AADACL2: variants seen among roughly 807,000 people sequenced by gnomAD.
The protein encoded by AADACL2 is arylacetamide deacetylase-like 2.
In AADACL2, 23 loss-of-function variants were observed where a neutral mutation model predicts 22.3. The observed-to-expected ratio is 1.03, with a 90% CI of 0.74 to 1.46. AADACL2 has a LOEUF of 1.46. Among genes scored for constraint, AADACL2 ranks in the 40% most tolerant of loss-of-function variants. AADACL2 has a pLI of 0.00. For synonymous variants in AADACL2, 177 were observed against 166.2 expected (o/e 1.07, Z -0.50); for missense variants, 472 against 482.9 (o/e 0.98, Z 0.21).
At chr3:151,742,314 C>G (rs9756997) in intron 2 of AADACL2, among the ~76,000 whole-genome samples, 1 of 151,638 alleles carries the variant, frequency 6.6e-6, no homozygotes, top group South Asian at 2.1e-4. Flanking sequence ...TGTTTCTATA[C>G]GCATTCTACA....
At chr3:151,743,332 T>C (rs1449374069) in intron 2 of AADACL2, among the ~76,000 whole-genome samples, 1 of 152,134 alleles carries the variant, frequency 6.6e-6, no homozygotes, top group Admixed American at 6.6e-5. Context: ...TAGGATCTTG[T>C]GGTAAATAAA....
At chr3:151,753,725 T>G (rs543267000) in intron 4 of AADACL2, among the ~76,000 whole-genome samples, 1 of 152,222 alleles carries the variant, frequency 6.6e-6, no homozygotes, top group South Asian at 2.1e-4. Context: ...AGTTAATATT[T>G]TGTCTACATC....
At chr3:151,737,669 GGATA>G (rs1713138069) in intron 1 of AADACL2, among the ~76,000 whole-genome samples, 1 of 152,098 alleles carries the variant, frequency 6.6e-6, no homozygotes, top group African/African-American at 2.4e-5. Flanking sequence ...TATATATTTA[GGATA>G]GTTAGCTCTT....
chr3:151,745,560 T>C lies in AADACL2; in HGVS notation c.483T>C (p.Leu161=), dbSNP rs776818363. 1.2e-6 allele frequency: 2 copies of C among 1,613,960 alleles called. No homozygotes were observed. Among genetic ancestry groups the C allele is most frequent in the Non-Finnish European group, 1.7e-6 (2 of 1,179,892 alleles). ...HHFPAQFEDG[L]AAVKFFLLEK... ...TTCCTGCTCAGTTTGAAGATGGCCT[T>C]GCTGCAGTCAAATTTTTTCTTTTGG... is the stretch of plus-strand genomic sequence containing the variant. The change falls in exon 4 of 5, where the codon CTT becomes CTC. Residue 161 remains leucine (L), a synonymous_variant. Transcript: ENST00000356517.
chr3:151,743,160 C>T (rs1338590060), intron 2 of AADACL2, among the ~76,000 whole-genome samples: 8 of 151,954 alleles, frequency 5.3e-5, no homozygotes, highest in African/African-American at 1.9e-4. Flanking sequence ...TTTAATAAAA[C>T]ATTATTTTTT....
Position 151,742,596 on chromosome 3 carries a change from TAAAG to T in AADACL2, c.362-1493_362-1490del, listed in dbSNP as rs147369667. The stretch of plus-strand genomic sequence containing the variant: ...GATGAAACGGATTTCTTGTGGCTGA[TAAAG>T]AAACCCAAATTATGACACTAAGAGC... On this transcript the variant is annotated intron_variant, in intron 2 of 4. Transcript: ENST00000356517. Among the ~76,000 whole-genome samples, 180 of 152,186 alleles carry T rather than the reference TAAAG, an allele frequency of 1.2e-3. 1 individual carries two copies. The highest frequency in any genetic ancestry group is 3.5e-3 in the South Asian group (17 of 4,822).
chr3:151,735,512 C>T (rs953490721), intron 1 of AADACL2, among the ~76,000 whole-genome samples: 10 of 152,190 alleles, frequency 6.6e-5, no homozygotes, highest in African/African-American at 2.4e-4. Flanking sequence ...AATTTCAGTA[C>T]TTTGGGAGGC....
chr3:151,752,964 TA>T (rs1713725963), intron 4 of AADACL2, among the ~76,000 whole-genome samples: 1 of 152,176 alleles, frequency 6.6e-6, no homozygotes. Flanking sequence ...TGGCTGTATA[TA>T]TTACATATGT....
At chr3:151,754,310 T>C (rs1293089028) in intron 4 of AADACL2, among the ~76,000 whole-genome samples, 1 of 152,138 alleles carries the variant, frequency 6.6e-6, no homozygotes, top group Non-Finnish European at 1.5e-5. Context: ...CTCTCAAAAG[T>C]ATAAACTTAG....
intron 2 of AADACL2, among the ~76,000 whole-genome samples, chr3:151,742,566 C>T (rs1018293438): frequency 6.6e-6 from 1 of 152,286 alleles, no homozygotes; most frequent in East Asian, 1.9e-4. Context: ...ACCTCAAGGT[C>T]TCTGGATGAA....
In AADACL2 at chr3:151,751,097, C is replaced by T. The variant is rs566955184; in HGVS notation, c.603+5417C>T. 9.3e-4 allele frequency among the ~76,000 whole-genome samples: 142 copies of T among 152,240 alleles called. 1 individual carries two copies. Among genetic ancestry groups the T allele is most frequent in the Admixed American group, 4.7e-3 (72 of 15,294 alleles). ...GACATGTTGATTCCTTAGGACTCTT[C>T]CAGACAGAACTTATTTGCTATTTAC... On this transcript the variant is annotated intron_variant, in intron 4 of 4. Transcript: ENST00000356517.
chr3:151,743,402 T>C (rs1275379851), intron 2 of AADACL2, among the ~76,000 whole-genome samples: 3 of 152,056 alleles, frequency 2.0e-5, no homozygotes. Flanking sequence ...GTAAATAGGA[T>C]ATGTGGGGAC....
At position 151,745,689 on chromosome 3, in the gene AADACL2, T is replaced by G. The variant is rs1229172117; in HGVS notation, c.603+9T>G. Reference sequence around the variant, plus strand: ...CAGCGGTCACTCAACAGGTACATTATATTTGTTTTTATGATAGGAGGCAGA... The same window carrying G: ...CAGCGGTCACTCAACAGGTACATTAGATTTGTTTTTATGATAGGAGGCAGA... On this transcript the variant is annotated intron_variant, in intron 4 of 4. Coordinates refer to ENST00000356517, the MANE Select transcript of AADACL2 (RefSeq NM_207365.4). The G allele has an allele frequency of 7.0e-6, 11 of 1,566,350 alleles. No homozygotes were observed. Among genetic ancestry groups the G allele is most frequent in the Non-Finnish European group, 8.6e-6 (10 of 1,160,802 alleles).
At chr3:151,741,429 G>A (rs2107982539) in intron 2 of AADACL2, among the ~76,000 whole-genome samples, 1 of 152,112 alleles carries the variant, frequency 6.6e-6, no homozygotes, top group East Asian at 1.9e-4. Flanking sequence ...TTCTTACAGT[G>A]ATTATTCAAT....
chr3:151,742,663 A>G (rs1713318009), intron 2 of AADACL2, among the ~76,000 whole-genome samples: 1 of 152,304 alleles, frequency 6.6e-6, no homozygotes, highest in African/African-American at 2.4e-5. Flanking sequence ...GTGGTCACAC[A>G]TCACTTTGTT....
At chr3:151,756,884 A>G (rs1576619153) in intron 4 of AADACL2, 108 bp from the exon 5 acceptor site, 5 of 940,612 alleles carry the variant, frequency 5.3e-6, no homozygotes, top group Non-Finnish European at 7.3e-6. Context: ...GATACATCAC[A>G]TCAATTTATG....
intron 4 of AADACL2, chr3:151,754,948 G>A (rs1288867048): frequency 1.3e-5 from 2 of 151,968 alleles, no homozygotes; most frequent in Non-Finnish European, 2.9e-5. Context: ...TTTTGGTTTA[G>A]TATTAATGTT....
In AADACL2 at chr3:151,757,324, TAC is replaced by T. The variant is rs774608069; in HGVS notation, c.938_939del (p.Thr313ArgfsTer11). The T allele has an allele frequency of 6.2e-7, 1 of 1,613,742 alleles. No individual in the cohort carries two copies. The highest frequency in any genetic ancestry group is 1.7e-5 in the Admixed American group (1 of 59,994). ...GACTTAGTTATTCATTGCCAGGACT[TAC>T]AGACAGCAGAGCATTACCCTTGTTG... ...GGLSYSLPGL[T>X]DSRALPLLAN... On this transcript the variant is annotated frameshift_variant, in exon 5 of 5. Transcript: ENST00000356517. LOFTEE classifies it low-confidence loss of function (END_TRUNC).
chr3:151,742,259 A>G (rs1302236396), intron 2 of AADACL2, among the ~76,000 whole-genome samples: 3 of 144,458 alleles, frequency 2.1e-5, no homozygotes, highest in African/African-American at 7.8e-5. Flanking sequence ...TTCAACATTT[A>G]TCCTCATATC....
Sources: gnomAD v4.1 joint callset for allele counts (sites outside exome capture counted in the v4.1 genomes callset) on GRCh38, gnomAD v4.1.1 for gene constraint, MANE v1.5 for transcripts, NCBI Gene and HGNC (gene_info 2026-07-23, HGNC 2026-07-21) for gene names.